Variants in PCGF6 observed in about 807,000 individuals in gnomAD.
PCGF6 encodes the protein polycomb group ring finger 6.
A neutral mutation model predicts 45.5 loss-of-function variants in PCGF6; 24 were observed. That is an observed-to-expected ratio of 0.53 (90% CI 0.38 to 0.74). The LOEUF (loss-of-function observed/expected upper bound fraction) is 0.74, where lower values mean the gene tolerates loss of function less well. Among genes scored for constraint, PCGF6 ranks in the 30% least tolerant of loss-of-function variants. The pLI, the probability that PCGF6 is intolerant of heterozygous loss-of-function variation, is 0.00. For missense variants in PCGF6, 356 were observed against 443.2 expected (o/e 0.80, Z 1.77); for synonymous variants, 152 against 162.1 (o/e 0.94, Z 0.47).
At chr10:103,317,005 A>T (rs1564725382) in intron 8 of PCGF6, among the ~76,000 whole-genome samples, 2 of 151,916 alleles carry the variant, frequency 1.3e-5, no homozygotes, top group Non-Finnish European at 2.9e-5. Context: ...TTGTTTTATT[A>T]ATTTTATTTT....
Position 103,351,016 on chromosome 10 carries a change from G to A in PCGF6, c.51C>T (p.Thr17=). The A allele has an allele frequency of 7.0e-7, 1 of 1,420,262 alleles. No individual in the cohort carries two copies. Among genetic ancestry groups the A allele is most frequent in the Non-Finnish European group, 9.2e-7 (1 of 1,088,082 alleles). 88.0% of individuals were successfully genotyped at this position (1,420,262 alleles called of 1,614,324 possible). ...VTAGSVGAAK[T]EGAAALPPPP... ...GAGGCGGCAAGGCTGCAGCTCCCTC[G>A]GTTTTGGCAGCGCCTACGCTGCCCG... Residue 17 remains threonine, a synonymous_variant, in exon 1 of 10, where the codon ACC becomes ACT. Transcript: ENST00000369847.
chr10:103,326,172 C>T (rs1191953418), intron 8 of PCGF6, among the ~76,000 whole-genome samples: 3 of 151,622 alleles, frequency 2.0e-5, no homozygotes, highest in African/African-American at 7.3e-5. Context: ...CCGAGGCGGG[C>T]GGATCACGAG....
intron 8 of PCGF6, among the ~76,000 whole-genome samples, chr10:103,325,772 G>A (rs1371699128): frequency 6.6e-6 from 1 of 151,494 alleles, no homozygotes; most frequent in Non-Finnish European, 1.5e-5. Flanking sequence ...TAATCCTAGT[G>A]CTTTGGGAAG....
At chr10:103,323,333 G>T (rs981390970) in intron 8 of PCGF6, among the ~76,000 whole-genome samples, 1 of 151,990 alleles carries the variant, frequency 6.6e-6, no homozygotes, top group Non-Finnish European at 1.5e-5. Flanking sequence ...TTTTGCTGTT[G>T]TTGCCCAGGC....
At chr10:103,343,849 A>AAAAAAAAAAAG (rs1193681673) in intron 6 of PCGF6, among the ~76,000 whole-genome samples, 1 of 150,206 alleles carries the variant, frequency 6.7e-6, no homozygotes, top group African/African-American at 2.4e-5. Flanking sequence ...AAAAAAAAAA[A>AAAAAAAAAAAG]AGAAAGGTAT....
chr10:103,350,920 A>C lies in PCGF6; in HGVS notation c.147T>G (p.Ser49=). 6.6e-7 allele frequency: 1 copy of C among 1,513,382 alleles called. No homozygotes were observed. Among genetic ancestry groups the C allele is most frequent in the Admixed American group, 2.3e-5 (1 of 43,526 alleles). 93.7% of individuals were successfully genotyped at this position (1,513,382 alleles called of 1,614,324 possible). ...AAGEEGPAPL[S]ETGAPGCSGS... is the part of the protein sequence containing the mutation. ...CGGAGCAGCCGGGAGCCCCCGTCTC[A>C]GACAGAGGCGCCGGTCCCTCCTCAC... Residue 49 remains serine, a synonymous_variant, in exon 1 of 10, where the codon TCT becomes TCG. Coordinates refer to ENST00000369847, the MANE Select transcript of PCGF6 (RefSeq NM_001011663.2).
intron 8 of PCGF6, among the ~76,000 whole-genome samples, chr10:103,315,867 C>T (rs1232327383): frequency 6.6e-6 from 1 of 152,002 alleles, no homozygotes; most frequent in Non-Finnish European, 1.5e-5. Context: ...TATTAAGACT[C>T]TACTATACTT....
chr10:103,320,053 G>A (rs1442126103), intron 8 of PCGF6, among the ~76,000 whole-genome samples: 5 of 151,968 alleles, frequency 3.3e-5, no homozygotes, highest in East Asian at 1.9e-4. Flanking sequence ...TGATCCGCCC[G>A]CCTCAGCCTC....
chr10:103,323,993 G>A (rs962121209), intron 8 of PCGF6, among the ~76,000 whole-genome samples: 2 of 151,694 alleles, frequency 1.3e-5, no homozygotes, highest in African/African-American at 4.8e-5. Flanking sequence ...AGGCTGGAGT[G>A]CAATGGCATG....
chr10:103,346,556 G>C (rs376952529), intron 5 of PCGF6, among the ~76,000 whole-genome samples: 1 of 152,086 alleles, frequency 6.6e-6, no homozygotes, highest in Non-Finnish European at 1.5e-5. Flanking sequence ...CCCAGAAGGC[G>C]GAGGTTGCAG....
At chr10:103,326,861 C>G (rs916525951) in intron 7 of PCGF6, among the ~76,000 whole-genome samples, 2 of 152,166 alleles carry the variant, frequency 1.3e-5, no homozygotes, top group Non-Finnish European at 2.9e-5. Context: ...AACAATTTTT[C>G]TAAATAGGCT....
Position 103,345,218 on chromosome 10 carries a change from T to G in PCGF6, c.674-86A>C, listed in dbSNP as rs562789664. 2.2e-5 allele frequency: 20 copies of G among 912,750 alleles called. No individual in the cohort carries two copies. In the African/African-American group the frequency reaches 3.4e-4, roughly 15 times the overall value. The allele number at this position is 912,750 out of a possible 1,614,324, so 56.5% of individuals were successfully genotyped here. The stretch of plus-strand genomic sequence containing the variant: ...TGGAAAAATACACAAGTATTATAAT[T>G]ATGTTGAGTATTTAAAAGATCATAA... On this transcript the variant is annotated intron_variant, in intron 5 of 9. Transcript: ENST00000369847.
intron 6 of PCGF6, 57 bp from the exon 7 acceptor site, chr10:103,334,009 C>A (rs755952922): frequency 9.7e-5 from 106 of 1,088,628 alleles, no homozygotes; most frequent in Non-Finnish European, 1.3e-4. Context: ...TATGTTTAAT[C>A]ATAAAACAAC....
intron 8 of PCGF6, among the ~76,000 whole-genome samples, chr10:103,320,329 G>A (rs1291309670): frequency 1.3e-5 from 2 of 152,116 alleles, no homozygotes; most frequent in East Asian, 1.9e-4. Context: ...GAGTCTCTAT[G>A]AGAAAGAAAC....
At chr10:103,343,046 A>G (rs1323425896) in intron 6 of PCGF6, among the ~76,000 whole-genome samples, 2 of 151,978 alleles carry the variant, frequency 1.3e-5, no homozygotes, top group Admixed American at 6.6e-5. Flanking sequence ...CTCCTGCCTC[A>G]GCCTCCCGAG....
intron 8 of PCGF6, among the ~76,000 whole-genome samples, chr10:103,321,179 T>A (rs1294180356): frequency 2.0e-5 from 3 of 152,226 alleles, no homozygotes; most frequent in Admixed American, 2.0e-4. Flanking sequence ...ACAAATTTTA[T>A]ATCTTTCTTT....
chr10:103,339,363 C>T (rs1046945711), intron 6 of PCGF6, among the ~76,000 whole-genome samples: 3 of 152,140 alleles, frequency 2.0e-5, no homozygotes, highest in Non-Finnish European at 4.4e-5. Flanking sequence ...GCAGTCCAGC[C>T]TGGGCAGCAG....
At chr10:103,331,182 C>T (rs1466141582) in intron 7 of PCGF6, among the ~76,000 whole-genome samples, 1 of 152,180 alleles carries the variant, frequency 6.6e-6, no homozygotes, top group Non-Finnish European at 1.5e-5. Flanking sequence ...TCAAATAATA[C>T]TCTATTATAT....
At chr10:103,344,543 C>T (rs1473674826) in intron 6 of PCGF6, among the ~76,000 whole-genome samples, 3 of 151,904 alleles carry the variant, frequency 2.0e-5, no homozygotes, top group African/African-American at 7.3e-5. Context: ...GCTGGGATTA[C>T]AGGCGTAAGC....
Sources: allele counts gnomAD v4.1 joint callset (sites outside exome capture counted in the v4.1 genomes callset), GRCh38; gene constraint gnomAD v4.1.1; transcripts MANE v1.5; gene names NCBI Gene and HGNC (gene_info 2026-07-23, HGNC 2026-07-21).